Variants in L2HGDH observed in about 807,000 individuals in gnomAD.
L2HGDH encodes L-2-hydroxyglutarate dehydrogenase, mitochondrial.
A neutral mutation model predicts 51.5 loss-of-function variants in L2HGDH; 34 were observed. The ratio of observed to expected loss-of-function variants is 0.66; its 90% CI spans 0.50 to 0.88. L2HGDH has a LOEUF of 0.88. Among genes scored for constraint, L2HGDH ranks in the 40% least tolerant of loss-of-function variants. The pLI is 0.00. For synonymous variants in L2HGDH, 198 were observed against 197.9 expected, an observed-to-expected ratio of 1.00 and a Z score of -0.01; for missense variants, 558 against 571.9, an observed-to-expected ratio of 0.98 and a Z score of 0.25.
chr14:50,280,859 G>C (rs1890230432), intron 5 of L2HGDH, among the ~76,000 whole-genome samples: 1 of 152,032 alleles, frequency 6.6e-6, no homozygotes, highest in African/African-American at 2.4e-5. Context: ...GTGTCGGCCT[G>C]GCTGCAGTGC....
At chr14:50,298,700 C>A (rs1426657135) in intron 3 of L2HGDH, among the ~76,000 whole-genome samples, 1 of 152,038 alleles carries the variant, frequency 6.6e-6, no homozygotes, top group African/African-American at 2.4e-5. Flanking sequence ...AAAAAATAAA[C>A]AAACAAGCAA....
intron 5 of L2HGDH, among the ~76,000 whole-genome samples, chr14:50,283,582 G>A (rs1052150511): frequency 3.9e-5 from 6 of 152,074 alleles, no homozygotes; most frequent in Non-Finnish European, 8.8e-5. Context: ...CAAAATTCAA[G>A]GATACTTAAG....
intron 9 of L2HGDH, among the ~76,000 whole-genome samples, chr14:50,255,641 A>C (rs8004803): frequency 0.54 from 82,351 of 151,938 alleles, 22,846 homozygotes; most frequent in East Asian, 0.65. Flanking sequence ...ACATCACCCA[A>C]ATGTGCAGAT....
At chr14:50,293,280 A>C (rs191846355) in intron 4 of L2HGDH, 116 of 702,270 alleles carry the variant, frequency 1.7e-4, no homozygotes, top group East Asian at 3.2e-4. Context: ...ACACAACTGG[A>C]TATCTGTTTG....
intron 9 of L2HGDH, among the ~76,000 whole-genome samples, chr14:50,253,565 AAACC>A: frequency 6.6e-6 from 1 of 152,128 alleles, no homozygotes; most frequent in Non-Finnish European, 1.5e-5. Context: ...GAGAAATGGG[AAACC>A]TCATACACTG....
rs1825780684 is a variant in L2HGDH, at chr14:50,265,468, G to A, written c.1086C>T (p.Ser362=). Residue 362 remains serine, a synonymous_variant, in exon 9 of 10, where the codon TCC becomes TCT. Coordinates refer to ENST00000267436, the MANE Select transcript of L2HGDH (RefSeq NM_024884.3). ...IINSGLIKLA[S]QNFSYGVTEM... is the part of the protein sequence containing the mutation. The stretch of plus-strand genomic sequence containing the variant: ...CAGTAACTCCATAGGAAAAATTCTG[G>A]GATGCCAGTTTAATCAAGCCACTGA... The A allele has an allele frequency of 4.3e-6, 7 of 1,613,152 alleles. No homozygotes were observed. The highest frequency in any genetic ancestry group is 5.9e-6 in the Non-Finnish European group (7 of 1,179,522).
In L2HGDH at chr14:50,245,873, G is replaced by C. The variant is rs1887968672; in HGVS notation, c.*1185C>G. 1.0e-6 allele frequency: 1 copy of C among 952,678 alleles called. No homozygotes were observed. The highest frequency in any genetic ancestry group is 1.8e-5 in the African/African-American group (1 of 56,616). The allele number at this position is 952,678 out of a possible 1,614,324, so 59.0% of individuals were successfully genotyped here. On this transcript the variant is annotated 3_prime_UTR_variant, in exon 10 of 10. Coordinates refer to ENST00000267436, the MANE Select transcript of L2HGDH (RefSeq NM_024884.3). ...ATGATGGCTCGCACCTGTAATCCCAGCATTTTGGGAGGCTGAGGCAGGTGG... is the reference window on the plus strand; with the variant it reads ...ATGATGGCTCGCACCTGTAATCCCACCATTTTGGGAGGCTGAGGCAGGTGG...
At chr14:50,304,845 T>C (rs963892879) in intron 1 of L2HGDH, among the ~76,000 whole-genome samples, 5 of 151,622 alleles carry the variant, frequency 3.3e-5, no homozygotes, top group Admixed American at 3.3e-4. Flanking sequence ...AAAAAAAAAA[T>C]TTAGAACAAC....
intron 7 of L2HGDH, 69 bp downstream of exon 7, chr14:50,269,094 T>C: frequency 1.4e-6 from 2 of 1,382,544 alleles, no homozygotes; most frequent in Non-Finnish European, 2.0e-6. Flanking sequence ...CAAGTGAAAG[T>C]TGTTTTCATC....
At chr14:50,254,192 A>G (rs1050262367) in intron 9 of L2HGDH, among the ~76,000 whole-genome samples, 2 of 152,152 alleles carry the variant, frequency 1.3e-5, no homozygotes, top group African/African-American at 4.8e-5. Context: ...CTAAGAGTGT[A>G]ATTGAACTGT....
chr14:50,277,104 T>C (rs1303510673), intron 6 of L2HGDH, among the ~76,000 whole-genome samples: 1 of 152,182 alleles, frequency 6.6e-6, no homozygotes, highest in African/African-American at 2.4e-5. Context: ...TGGTTAACCT[T>C]ATATCTTGGT....
intron 6 of L2HGDH, among the ~76,000 whole-genome samples, chr14:50,269,569 T>C (rs8015598): frequency 0.016 from 2,390 of 152,234 alleles, 64 homozygotes; most frequent in African/African-American, 0.055. Flanking sequence ...ATAATAATGG[T>C]CAACCTAGCA....
chr14:50,283,198 C>T (rs56932385), intron 5 of L2HGDH, among the ~76,000 whole-genome samples: 5,260 of 151,496 alleles, frequency 0.035, 297 homozygotes, highest in African/African-American at 0.12. Flanking sequence ...AAGACCCTGC[C>T]CCAAGGGGAA....
chr14:50,247,080 A>C lies in L2HGDH; in HGVS notation c.1370T>G (p.Val457Gly), dbSNP rs747896332. The C allele has an allele frequency of 3.7e-6, 6 of 1,613,724 alleles. No homozygotes were observed. In the Admixed American group the frequency reaches 8.3e-5, roughly 22 times the overall value. Residue 457 changes from valine (V) to glycine (G), a missense_variant, in exon 10 of 10, where the codon GTA becomes GGA. Around this residue, in one of 3 missense-constraint regions of L2HGDH, gnomAD observed 321 missense variants for 311.8 expected, o/e 1.03. Transcript: ENST00000267436. ...TATTTATAATTCAAATCTTTGTTGT[A>C]CTTCATCTGCAATCATTCCAGAAAT... Reference protein sequence around the residue: ...IAISGMIADEVQQRFEL With the variant: ...IAISGMIADEGQQRFEL
intron 8 of L2HGDH, among the ~76,000 whole-genome samples, chr14:50,267,145 TTTTATTTA>T (rs149075578): frequency 0.23 from 32,377 of 143,272 alleles, 3,916 homozygotes; most frequent in South Asian, 0.29. Context: ...TTCTTTTTAT[TTTTATTTA>T]TTTATTTATT....
At position 50,267,826 on chromosome 14, in the gene L2HGDH, G is replaced by A; in HGVS notation, c.991C>T (p.Leu331Phe). Residue 331 changes from leucine (L) to phenylalanine (F), a missense_variant, in exon 8 of 10, where the codon CTT (leucine) becomes TTT (phenylalanine). Coordinates refer to ENST00000267436, the MANE Select transcript of L2HGDH (RefSeq NM_024884.3). ...CTGTAACCCTCTCGTTTAAAGGCAA[G>A]AACTGCATTAGGCCCTAGCCAAATA... ...GSIWLGPNAV[L>F]AFKREGYRPF... The A allele has an allele frequency of 6.2e-7, 1 of 1,613,890 alleles. No homozygotes were observed. Among genetic ancestry groups the A allele is most frequent in the East Asian group, 2.2e-5 (1 of 44,882 alleles).
intron 4 of L2HGDH, among the ~76,000 whole-genome samples, chr14:50,293,539 A>G (rs1181757455): frequency 6.6e-6 from 1 of 152,186 alleles, no homozygotes; most frequent in Non-Finnish European, 1.5e-5. Context: ...AAAAACAAAC[A>G]TATGCATAAA....
Position 50,269,262 on chromosome 14 carries a change from C to T in L2HGDH, c.807G>A (p.Leu269=), listed in dbSNP as rs1385874099. 2.5e-6 allele frequency: 4 copies of T among 1,613,914 alleles called. No individual in the cohort carries two copies. The highest frequency in any genetic ancestry group is 3.4e-6 in the Non-Finnish European group (4 of 1,179,956). ...AGLYSDRISE[L]SGCTPDPRIV... ...TTCGAGGATCAGGAGTGCAGCCACT[C>T]AACTCTGAAATACGGTCTGAGTAAA... Residue 269 remains leucine, a synonymous_variant, in exon 7 of 10, where the codon TTG becomes TTA. Transcript: ENST00000267436.
chr14:50,295,460 G>A (rs532451468), intron 3 of L2HGDH, among the ~76,000 whole-genome samples: 1 of 151,940 alleles, frequency 6.6e-6, no homozygotes, highest in East Asian at 1.9e-4. Flanking sequence ...AGGCTATAGT[G>A]CAGTGGCCCA....
Sources: allele counts gnomAD v4.1 joint callset (sites outside exome capture counted in the v4.1 genomes callset), GRCh38; gene constraint gnomAD v4.1.1; regional missense constraint gnomAD v4.1.1; transcripts MANE v1.5; gene names NCBI Gene and HGNC (gene_info 2026-07-23, HGNC 2026-07-21).